TGFBR1: variants seen among roughly 807,000 people sequenced by gnomAD.
TGFBR1 encodes the protein transforming growth factor beta receptor 1.
TGFBR1 carries 20 observed loss-of-function variants against 55.1 expected under a neutral mutation model. That is an observed-to-expected ratio of 0.36 (90% CI 0.26 to 0.53). The LOEUF (loss-of-function observed/expected upper bound fraction) is 0.53. Ranked by LOEUF, TGFBR1 falls within the 20% of genes least tolerant of loss-of-function variation. The pLI is 0.91. For missense variants in TGFBR1, 385 were observed against 617.6 expected (o/e 0.62, Z 3.99); for synonymous variants, 220 against 214.8 (o/e 1.02, Z -0.21).
At chr9:99,140,991 C>T (rs1053708631) in intron 4 of TGFBR1, among the ~76,000 whole-genome samples, 1 of 152,220 alleles carries the variant, frequency 6.6e-6, no homozygotes, top group African/African-American at 2.4e-5. Context: ...TGTACTTTCT[C>T]TGAGCCTAGC....
intron 1 of TGFBR1, among the ~76,000 whole-genome samples, chr9:99,118,982 G>A (rs16905715): frequency 0.016 from 2,416 of 152,116 alleles, 64 homozygotes; most frequent in African/African-American, 0.055. Context: ...TTTATCAGTG[G>A]TGTGTTCTCT....
Position 99,149,385 on chromosome 9 carries a change from T to C in TGFBR1, c.*80T>C, listed in dbSNP as rs1827910446. ...AATTTGGGAGGTCAATTGTTCTACC[T>C]CACTGAGAGGGAACAGAAGGATATT... On this transcript the variant is annotated 3_prime_UTR_variant, in exon 9 of 9. Coordinates refer to ENST00000374994, the MANE Select transcript of TGFBR1 (RefSeq NM_004612.4). 1 of 1,569,918 alleles carries C rather than the reference T, an allele frequency of 6.4e-7. No individual in the cohort carries two copies. Among genetic ancestry groups the C allele is most frequent in the Non-Finnish European group, 8.8e-7 (1 of 1,141,804 alleles).
At chr9:99,103,850 A>G (rs1163742916), upstream of TGFBR1, among the ~76,000 whole-genome samples, 1 of 152,220 alleles carries the variant, frequency 6.6e-6, no homozygotes, top group Non-Finnish European at 1.5e-5. Flanking sequence ...ACAGGTGGGG[A>G]AAATGCTCAC....
Position 99,149,761 on chromosome 9 carries a change from G to C in TGFBR1, c.*456G>C, listed in dbSNP as rs200245567. The C allele has an allele frequency of 4.0e-6, 1 of 249,064 alleles. No individual in the cohort carries two copies. The highest frequency in any genetic ancestry group is 2.2e-5 in the African/African-American group (1 of 45,126). The allele number at this position is 249,064 out of a possible 1,614,324, so 15.4% of individuals were successfully genotyped here. A position where few individuals can be genotyped will look rare whatever the true frequency, so the allele number is the denominator to read the frequency against. ...CTAGAGTTTCCTTGATTCAGACTTTGAATGTACTGTTCTATAGTTTTTCAG... is the reference window on the plus strand; with the variant it reads ...CTAGAGTTTCCTTGATTCAGACTTTCAATGTACTGTTCTATAGTTTTTCAG... On this transcript the variant is annotated 3_prime_UTR_variant, in exon 9 of 9. Transcript: ENST00000374994.
At chr9:99,110,768 C>T (rs76905552) in intron 1 of TGFBR1, among the ~76,000 whole-genome samples, 123 of 152,314 alleles carry the variant, frequency 8.1e-4, no homozygotes, top group Non-Finnish European at 1.6e-3. Flanking sequence ...GAACCTAGTT[C>T]ATATCTATGA....
chr9:99,142,855 T>C lies in TGFBR1; in HGVS notation c.973+152T>C. The C allele has an allele frequency of 6.1e-6, 5 of 821,482 alleles. No individual in the cohort carries two copies. In the East Asian group the frequency reaches 8.0e-5, roughly 13 times the overall value. 50.9% of individuals were successfully genotyped at this position (821,482 alleles called of 1,614,324 possible). On this transcript the variant is annotated intron_variant, in intron 5 of 8. Transcript: ENST00000374994. Reference sequence around the variant, plus strand: ...GGGCAGATCGCCCGATCTCAGGAGTTCATGGCCAGCCTGGGCAACATGACA... The same window carrying C: ...GGGCAGATCGCCCGATCTCAGGAGTCCATGGCCAGCCTGGGCAACATGACA...
chr9:99,105,157 C>T lies in TGFBR1; in HGVS notation c.-49C>T, dbSNP rs990089169. ...CGAGGCGAGGTTTGCTGGGGTGAGG[C>T]AGCGGCGCGGCCGGGCCGGGCCGGG... On this transcript the variant is annotated 5_prime_UTR_variant, in exon 1 of 9. Transcript: ENST00000374994. 2.8e-6 allele frequency: 3 copies of T among 1,085,398 alleles called. No homozygotes were observed. The highest frequency in any genetic ancestry group is 5.1e-5 in the East Asian group (1 of 19,476). The allele number at this position is 1,085,398 out of a possible 1,614,324, so 67.2% of individuals were successfully genotyped here.
chr9:99,121,760 A>G lies in TGFBR1; in HGVS notation c.98-7095A>G, dbSNP rs115273037. 6.3e-3 allele frequency among the ~76,000 whole-genome samples: 953 copies of G among 152,296 alleles called. 9 individuals are homozygous for G. Among genetic ancestry groups the G allele is most frequent in the African/African-American group, 0.022 (906 of 41,556 alleles). On this transcript the variant is annotated intron_variant, in intron 1 of 8. Transcript: ENST00000374994. ...AAATACTCTCACTGCGAAGAAAAGT[A>G]TAGTTGTGCTGTAGTGGGTAGGGTG...
At chr9:99,106,807 C>T (rs1029415277) in intron 1 of TGFBR1, among the ~76,000 whole-genome samples, 29 of 152,160 alleles carry the variant, frequency 1.9e-4, no homozygotes, top group African/African-American at 7.0e-4. Context: ...GGATTCTGTC[C>T]TCATGATTTG....
At chr9:99,128,750 A>T in intron 1 of TGFBR1, 105 bp from the exon 2 acceptor site, 1 of 1,464,700 alleles carries the variant, frequency 6.8e-7, no homozygotes, top group Non-Finnish European at 9.5e-7. Context: ...CAGTGCATAG[A>T]AATTGTGTGA....
chr9:99,118,643 CTTTTTTTTTTT>C (rs749441442), intron 1 of TGFBR1, among the ~76,000 whole-genome samples: 1 of 129,736 alleles, frequency 7.7e-6, no homozygotes, highest in African/African-American at 2.9e-5. Flanking sequence ...TGTTTTCTTT[CTTTTTTTTTTT>C]TTTTTTTTTG....
chr9:99,111,951 A>G (rs1193720864), intron 1 of TGFBR1, among the ~76,000 whole-genome samples: 1 of 152,176 alleles, frequency 6.6e-6, no homozygotes, highest in Non-Finnish European at 1.5e-5. Flanking sequence ...TCTGCCTTGC[A>G]GGAGGATAGG....
At chr9:99,134,832 ATATATATATATATATATATATT>A (rs1827379815) in intron 3 of TGFBR1, among the ~76,000 whole-genome samples, 1 of 114,020 alleles carries the variant, frequency 8.8e-6, no homozygotes, top group Non-Finnish European at 1.9e-5. Flanking sequence ...ATATATATAT[ATATATATATATATATATATATT>A]TCTAGATCCA....
chr9:99,146,435 A>G (rs565426130), intron 6 of TGFBR1, 50 bp from the exon 7 acceptor site: 1 of 1,611,704 alleles, frequency 6.2e-7, no homozygotes, highest in African/African-American at 1.3e-5. Context: ...TCATCCAAAT[A>G]TGGCAGTAAG....
At chr9:99,140,618 T>C (rs1827586414) in intron 4 of TGFBR1, among the ~76,000 whole-genome samples, 1 of 152,224 alleles carries the variant, frequency 6.6e-6, no homozygotes, top group Admixed American at 6.5e-5. Context: ...CCCTAGACTT[T>C]CCTTGTTCCT....
chr9:99,143,876 A>G (rs1398958410), intron 5 of TGFBR1, among the ~76,000 whole-genome samples: 1 of 152,230 alleles, frequency 6.6e-6, no homozygotes, highest in Admixed American at 6.5e-5. Flanking sequence ...CTTATTCTGC[A>G]CATTTTATAT....
chr9:99,106,050 C>A (rs1278844170), intron 1 of TGFBR1, among the ~76,000 whole-genome samples: 1 of 152,228 alleles, frequency 6.6e-6, no homozygotes, highest in East Asian at 1.9e-4. Context: ...AGTAACCAGA[C>A]GGCTACGGAT....
chr9:99,147,460 G>T (rs937114050), intron 7 of TGFBR1, among the ~76,000 whole-genome samples, 194 bp from the exon 8 acceptor site: 4 of 152,160 alleles, frequency 2.6e-5, no homozygotes, highest in African/African-American at 4.8e-5. Context: ...TAGTTTCAAG[G>T]TGTGGGTGGA....
chr9:99,133,267 TATGTC>T (rs1023285987), intron 3 of TGFBR1, among the ~76,000 whole-genome samples: 54 of 152,354 alleles, frequency 3.5e-4, no homozygotes, highest in African/African-American at 1.2e-3. Context: ...AATGAACTCT[TATGTC>T]ATTTTCTCAC....
Sources: allele counts gnomAD v4.1 joint callset (sites outside exome capture counted in the v4.1 genomes callset), GRCh38; gene constraint gnomAD v4.1.1; transcripts MANE v1.5; gene names NCBI Gene and HGNC (gene_info 2026-07-23, HGNC 2026-07-21).